Variants in RASA2 observed in about 807,000 individuals in gnomAD.
The protein encoded by RASA2 is RAS p21 protein activator 2, also known as ras GTPase-activating protein 2.
A neutral mutation model predicts 118.2 loss-of-function variants in RASA2; 155 were observed. The ratio of observed to expected loss-of-function variants is 1.31; its 90% confidence interval spans 1.15 to 1.50. The LOEUF is 1.50. RASA2 is among the 40% of genes most tolerant of loss of function. RASA2 has a pLI of 0.00. For missense variants in RASA2, 1,016 were observed against 1,009.6 expected (o/e 1.01, Z -0.09); for synonymous variants, 353 against 349.1 (o/e 1.01, Z -0.12).
chr3:141,554,574 T>G (rs76482720), intron 6 of RASA2, among the ~76,000 whole-genome samples: 1 of 152,316 alleles, frequency 6.6e-6, no homozygotes, highest in East Asian at 1.9e-4. Context: ...CTGAAATATG[T>G]CTACAACTTG....
chr3:141,592,651 T>C (rs1054984800), intron 19 of RASA2, among the ~76,000 whole-genome samples: 3 of 152,144 alleles, frequency 2.0e-5, no homozygotes, highest in African/African-American at 7.2e-5. Context: ...GATCTGTTGG[T>C]AGCAGTAGAA....
intron 4 of RASA2, 71 bp downstream of exon 4, chr3:141,529,873 G>A: frequency 8.4e-7 from 1 of 1,195,314 alleles, no homozygotes; most frequent in Non-Finnish European, 1.2e-6. Flanking sequence ...TAATTAAACT[G>A]GTTCATGTAA....
At chr3:141,491,635 G>A (rs2081641082) in intron 1 of RASA2, among the ~76,000 whole-genome samples, 1 of 152,136 alleles carries the variant, frequency 6.6e-6, no homozygotes, top group Admixed American at 6.5e-5. Flanking sequence ...AGAGAAAACT[G>A]TATGAGTCTG....
chr3:141,489,417 G>T (rs1306165621), intron 1 of RASA2, among the ~76,000 whole-genome samples: 1 of 152,184 alleles, frequency 6.6e-6, no homozygotes, highest in African/African-American at 2.4e-5. Flanking sequence ...AGAGTCATTA[G>T]CAGGTGTCAA....
At chr3:141,527,635 T>C (rs1277184290) in intron 3 of RASA2, among the ~76,000 whole-genome samples, 1 of 152,046 alleles carries the variant, frequency 6.6e-6, no homozygotes, top group Admixed American at 6.5e-5. Flanking sequence ...GTGTGCAATA[T>C]TGAATACTTT....
chr3:141,502,668 A>G (rs1371967889), intron 1 of RASA2, among the ~76,000 whole-genome samples: 1 of 152,192 alleles, frequency 6.6e-6, no homozygotes, highest in Non-Finnish European at 1.5e-5. Context: ...AAAATAATAT[A>G]TATGAAGTCA....
rs1466903133 is a variant in RASA2 at position 141,614,413 on chromosome 3, A to G, written c.*2100A>G. 6.6e-6 allele frequency: 1 copy of G among 152,218 alleles called. No homozygotes were observed. Among genetic ancestry groups the G allele is most frequent in the Admixed American group, 6.5e-5 (1 of 15,278 alleles). 9.4% of individuals were successfully genotyped at this position (152,218 alleles called of 1,614,324 possible). A position where few individuals can be genotyped will look rare whatever the true frequency, so the allele number is the denominator to read the frequency against. On this transcript the variant is annotated 3_prime_UTR_variant, in exon 24 of 24. Transcript: ENST00000286364. ...TGAAAGTCTTTTGAAATAAGAGACC[A>G]TGTAAGTAGGACCCTAAGACAACCA...
At chr3:141,597,259 CT>C (rs2083388179) in intron 19 of RASA2, among the ~76,000 whole-genome samples, 1 of 151,898 alleles carries the variant, frequency 6.6e-6, no homozygotes, top group Non-Finnish European at 1.5e-5. Flanking sequence ...ATAAAGAATA[CT>C]ACTAGCAGTA....
At position 141,613,206 on chromosome 3, in the gene RASA2, G is replaced by A. The variant is rs539291875; in HGVS notation, c.*893G>A. ...TAAGGATGCCCTCCTCATAGTGTTC[G>A]GTTCTGATCTTCCTCGAGAACAGTC... On this transcript the variant is annotated 3_prime_UTR_variant, in exon 24 of 24. Transcript: ENST00000286364. The A allele has an allele frequency of 7.9e-5, 12 of 152,202 alleles. No individual in the cohort carries two copies. The highest frequency in any genetic ancestry group is 1.5e-4 in the Non-Finnish European group (10 of 68,016). 9.4% of individuals were successfully genotyped at this position (152,202 alleles called of 1,614,324 possible). A position where few individuals can be genotyped will look rare whatever the true frequency, so the allele number is the denominator to read the frequency against.
At chr3:141,529,337 G>A (rs2082226247) in intron 3 of RASA2, among the ~76,000 whole-genome samples, 1 of 151,950 alleles carries the variant, frequency 6.6e-6, no homozygotes, top group African/African-American at 2.4e-5. Context: ...TTTGTTCTTA[G>A]GGTCAAAAAA....
chr3:141,544,043 T>C (rs2082447070), intron 5 of RASA2, among the ~76,000 whole-genome samples: 1 of 151,900 alleles, frequency 6.6e-6, no homozygotes, highest in Non-Finnish European at 1.5e-5. Context: ...GCCCAGCTAA[T>C]TTTTACATTT....
intron 17 of RASA2, 146 bp from the exon 18 acceptor site, chr3:141,585,879 T>C: frequency 2.1e-6 from 1 of 477,212 alleles, no homozygotes; most frequent in Non-Finnish European, 3.6e-6. Flanking sequence ...TCTAATTAAA[T>C]ATGTGTTTTG....
At chr3:141,539,826 T>A (rs2082381788) in intron 4 of RASA2, among the ~76,000 whole-genome samples, 2 of 152,210 alleles carry the variant, frequency 1.3e-5, no homozygotes, top group African/African-American at 4.8e-5. Flanking sequence ...CTTACACTAC[T>A]TAATTTTTAA....
intron 17 of RASA2, among the ~76,000 whole-genome samples, chr3:141,585,368 A>G (rs1332765278): frequency 6.6e-6 from 1 of 152,258 alleles, no homozygotes; most frequent in Admixed American, 6.5e-5. Flanking sequence ...TTATACCCCT[A>G]AATGAGTACT....
intron 3 of RASA2, among the ~76,000 whole-genome samples, chr3:141,524,476 C>T (rs1440349669): frequency 1.3e-5 from 2 of 152,238 alleles, no homozygotes; most frequent in South Asian, 2.1e-4. Context: ...ACTAAGGCTT[C>T]GAAGTGCTGC....
chr3:141,606,422 C>T (rs1486561634), intron 19 of RASA2, among the ~76,000 whole-genome samples: 1 of 152,170 alleles, frequency 6.6e-6, no homozygotes, highest in Admixed American at 6.5e-5. Context: ...CTTTCTATCA[C>T]ATCACCTCAG....
rs747837865 is a variant in RASA2, at chr3:141,487,085, TGGC to T, written c.13_15del (p.Ala5?). ...CTGCGGCACGGGCCGGGCGGCACCA[TGGC>T]GGCGGCGGCGCCTGCTGCTGCGGCG... is the stretch of plus-strand genomic sequence containing the variant. On this transcript the variant is annotated start_lost and inframe_deletion, in exon 1 of 24. Transcript: ENST00000286364. 33 of 1,356,082 alleles carry T rather than the reference TGGC, an allele frequency of 2.4e-5. No individual in the cohort carries two copies. Among genetic ancestry groups the T allele is most frequent in the Middle Eastern group, 2.8e-4 (1 of 3,588 alleles). 84.0% of individuals were successfully genotyped at this position (1,356,082 alleles called of 1,614,324 possible).
At chr3:141,577,948 T>C (rs916928015) in intron 15 of RASA2, among the ~76,000 whole-genome samples, 1 of 152,230 alleles carries the variant, frequency 6.6e-6, no homozygotes, top group African/African-American at 2.4e-5. Context: ...TGATTCCTTC[T>C]TATATGGTGT....
At chr3:141,509,565 T>C (rs960362494) in intron 1 of RASA2, among the ~76,000 whole-genome samples, 2 of 152,214 alleles carry the variant, frequency 1.3e-5, no homozygotes, top group Non-Finnish European at 2.9e-5. Context: ...TTTTATATTT[T>C]AGGTCCTATA....
Sources: allele counts gnomAD v4.1 joint callset (sites outside exome capture counted in the v4.1 genomes callset), GRCh38; gene constraint gnomAD v4.1.1; transcripts MANE v1.5; gene names NCBI Gene and HGNC (gene_info 2026-07-23, HGNC 2026-07-21).